The following HPS4 variants were observed in gnomAD, a reference collection of about 807,000 sequenced individuals.
The protein encoded by HPS4 is BLOC-3 complex member HPS4.
A neutral mutation model predicts 70.3 loss-of-function variants in HPS4; 44 were observed. The observed-to-expected ratio is 0.63, with a 90% confidence interval of 0.49 to 0.80. HPS4 has a LOEUF of 0.80. Ranked by LOEUF, HPS4 falls within the 30% of genes least tolerant of loss-of-function variation. HPS4 has a pLI of 0.00. For synonymous variants in HPS4, 377 were observed against 355.9 expected, an observed-to-expected ratio of 1.06 and a Z score of -0.67; for missense variants, 873 against 884.4, an observed-to-expected ratio of 0.99 and a Z score of 0.16.
intron 10 of HPS4, 59 bp downstream of exon 10, chr22:26,465,396 A>G: frequency 1.6e-6 from 2 of 1,247,756 alleles, no homozygotes; most frequent in East Asian, 2.3e-5. Flanking sequence ...TTTTTAACCA[A>G]TCACGCGATG....
At chr22:26,445,457 C>A (rs1203710731) in intron 3 of HPS4, among the ~76,000 whole-genome samples, 1 of 152,132 alleles carries the variant, frequency 6.6e-6, no homozygotes, top group Non-Finnish European at 1.5e-5. Context: ...CAAAATGTCC[C>A]AAAGCAATGG....
At chr22:26,457,232 T>C (rs1440649090) in intron 13 of HPS4, among the ~76,000 whole-genome samples, 13 of 146,624 alleles carry the variant, frequency 8.9e-5, no homozygotes, top group East Asian at 3.9e-4. Flanking sequence ...TTTTTTTTTT[T>C]CTGAGACGCA....
Position 26,452,830 on chromosome 22 carries a change from G to A in HPS4, c.*403C>T. ...CACACCGCCTACCACCACCTGGTGT[G>A]GGGGTTGAACACACACACTCTGGGC... On this transcript the variant is annotated 3_prime_UTR_variant, in exon 14 of 14. Coordinates refer to ENST00000398145, the MANE Select transcript of HPS4 (RefSeq NM_022081.6). 1 of 273,452 alleles carries A rather than the reference G, an allele frequency of 3.7e-6. No homozygotes were observed. The highest frequency in any genetic ancestry group is 7.1e-6 in the Non-Finnish European group (1 of 140,042). 16.9% of individuals were successfully genotyped at this position (273,452 alleles called of 1,614,324 possible).
intron 4 of HPS4, 75 bp downstream of exon 4, chr22:26,476,918 C>T: frequency 6.6e-7 from 1 of 1,524,584 alleles, no homozygotes; most frequent in Non-Finnish European, 9.1e-7. Context: ...ATTCTAAATT[C>T]AAGACTCAGA....
At chr22:26,479,717 A>C in intron 2 of HPS4, 1 of 1,079,462 alleles carries the variant, frequency 9.3e-7, no homozygotes, top group Non-Finnish European at 1.1e-6. Flanking sequence ...TAACAAAATA[A>C]GTTAGGGATG....
Position 26,464,273 on chromosome 22 carries a change from C to T in HPS4, c.1357G>A (p.Ala453Thr). ...LEDHPGHSSQ[A>T]PIPRADPLPR... Reference sequence around the variant, plus strand: ...AGAGGGTCTGCTCTGGGAATGGGGGCTTGGCTGCTATGGCCAGGATGGTCT... The same window carrying T: ...AGAGGGTCTGCTCTGGGAATGGGGGTTTGGCTGCTATGGCCAGGATGGTCT... The change falls in exon 11 of 14, where the codon GCC becomes ACC. Residue 453 changes from alanine to threonine, a missense_variant. Transcript: ENST00000398145. 1 of 1,614,118 alleles carries T rather than the reference C, an allele frequency of 6.2e-7. No homozygotes were observed. The highest frequency in any genetic ancestry group is 2.2e-5 in the East Asian group (1 of 44,868).
rs17401652 is a variant in HPS4, at chr22:26,472,524, C to T, written c.385-106G>A. The T allele has an allele frequency of 0.073, 61,532 of 838,652 alleles. 2,717 individuals are homozygous for T. Among genetic ancestry groups the T allele is most frequent in the Non-Finnish European group, 0.096 (45,714 of 476,654 alleles). The allele number at this position is 838,652 out of a possible 1,614,324, so 52.0% of individuals were successfully genotyped here. A position where few individuals can be genotyped will look rare whatever the true frequency, so the allele number is the denominator to read the frequency against. Reference sequence around the variant, plus strand: ...ATTGTTCCTCACACAGGAAACTGACCGGAAGGGAGGACCTGTTTTAAACCT... The same window carrying T: ...ATTGTTCCTCACACAGGAAACTGACTGGAAGGGAGGACCTGTTTTAAACCT... On this transcript the variant is annotated intron_variant, in intron 5 of 13. Coordinates refer to ENST00000398145, the MANE Select transcript of HPS4 (RefSeq NM_022081.6).
At position 26,451,801 on chromosome 22, in the gene HPS4, A is replaced by C. The variant is rs2085218148; in HGVS notation, c.*1432T>G. ...ATCCTCTTCCATCTAGGCAGATGGG[A>C]TCCAAGAGACAGCAGAGATCCTGGA... On this transcript the variant is annotated 3_prime_UTR_variant, in exon 14 of 14. Coordinates refer to ENST00000398145, the MANE Select transcript of HPS4 (RefSeq NM_022081.6). The C allele has an allele frequency of 6.5e-6, 1 of 152,986 alleles. No individual in the cohort carries two copies. The highest frequency in any genetic ancestry group is 2.1e-4 in the South Asian group (1 of 4,866). The allele number at this position is 152,986 out of a possible 1,614,324, so 9.5% of individuals were successfully genotyped here.
intron 8 of HPS4, chr22:26,467,102 C>T (rs1009864944): frequency 2.0e-5 from 3 of 152,112 alleles, no homozygotes; most frequent in African/African-American, 7.2e-5. Context: ...TATAAAATTT[C>T]ATATTTCTGC....
rs2085515521 is a variant in HPS4 at position 26,453,340 on chromosome 22, C to A, written c.2020G>T (p.Ala674Ser). ...AAGCCGGAGCTCCGTGCTGCAGGTG[C>A]CAGCTGCTGGAAATATGTCTCCTGG... ...PIQETYFQQL[A>S]PAARSSGFPN... is the part of the protein sequence containing the mutation. The change falls in exon 14 of 14, where the codon GCA becomes TCA. Residue 674 changes from alanine to serine, a missense_variant. Physicochemically the swap from Ala to Ser is moderately conservative, Grantham distance 99. Transcript: ENST00000398145. 1 of 1,614,150 alleles carries A rather than the reference C, an allele frequency of 6.2e-7. No homozygotes were observed. The highest frequency in any genetic ancestry group is 8.5e-7 in the Non-Finnish European group (1 of 1,180,028).
At chr22:26,480,055 CCT>C (rs1277300383) in intron 2 of HPS4, among the ~76,000 whole-genome samples, 3 of 152,178 alleles carry the variant, frequency 2.0e-5, no homozygotes, top group Non-Finnish European at 4.4e-5. Flanking sequence ...TTTCCATGAC[CCT>C]CTGTTCTTCC....
chr22:26,483,759 C>CCGTACCTG lies in HPS4; in HGVS notation c.-572_-565dup. 1 of 576,688 alleles carries CCGTACCTG rather than the reference C, an allele frequency of 1.7e-6. No homozygotes were observed. The allele number at this position is 576,688 out of a possible 1,614,324, so 35.7% of individuals were successfully genotyped here. ...CAGCTGGGTACCTGCGACTTCTGCC[C>CCGTACCTG]CGTACCTGCGCGCGCGGCAGAGAGG... On this transcript the variant is annotated 5_prime_UTR_variant, in exon 1 of 14. Transcript: ENST00000398145.
Position 26,481,732 on chromosome 22 carries a change from A to C in HPS4, c.31T>G (p.Ser11Ala). MATSTSTEAK[S>A]ASWWNYFFLY... ...GGCCTTGTTACTCACCACGAGGCTG[A>C]CTTTGCCTCTGTGGAGGTAGAGGTG... The change falls in exon 2 of 14, where the codon TCA (serine) becomes GCA (alanine). Residue 11 changes from serine to alanine, a missense_variant. By Grantham distance (99) the Ser-to-Ala change is moderately conservative (BLOSUM62 1). Coordinates refer to ENST00000398145, the MANE Select transcript of HPS4 (RefSeq NM_022081.6). The C allele has an allele frequency of 6.2e-7, 1 of 1,614,178 alleles. No individual in the cohort carries two copies. Among genetic ancestry groups the C allele is most frequent in the Non-Finnish European group, 8.5e-7 (1 of 1,180,000 alleles).
Position 26,477,084 on chromosome 22 carries a change from C to G in HPS4, c.185G>C (p.Arg62Pro), listed in dbSNP as rs777170572. ...LLCGQIAGVV[R>P]CVSDISDSPP... ...AGAGTCAGAAATGTCAGAAACACAG[C>G]GGACAACTCCAGCAATCTGTCCACA... Residue 62 changes from arginine to proline, a missense_variant, in exon 4 of 14, where the codon CGC (arginine) becomes CCC (proline). Coordinates refer to ENST00000398145, the MANE Select transcript of HPS4 (RefSeq NM_022081.6). 1 of 1,614,072 alleles carries G rather than the reference C, an allele frequency of 6.2e-7. No individual in the cohort carries two copies. The highest frequency in any genetic ancestry group is 1.1e-5 in the South Asian group (1 of 91,078).
intron 12 of HPS4, 122 bp downstream of exon 12, chr22:26,458,323 G>C (rs2086565054): frequency 7.9e-7 from 1 of 1,262,266 alleles, no homozygotes; most frequent in African/African-American, 1.5e-5. Context: ...AGAGAGCCCT[G>C]AACGCAGGTC....
Position 26,470,795 on chromosome 22 carries a change from G to C in HPS4, c.520C>G (p.Leu174Val). 1.2e-6 allele frequency: 2 copies of C among 1,614,236 alleles called. No homozygotes were observed. The highest frequency in any genetic ancestry group is 1.7e-6 in the Non-Finnish European group (2 of 1,180,038). The change falls in exon 7 of 14, where the codon CTG becomes GTG. Residue 174 changes from leucine to valine, a missense_variant. By Grantham distance (32) the Leu-to-Val change is conservative. Coordinates refer to ENST00000398145, the MANE Select transcript of HPS4 (RefSeq NM_022081.6). The stretch of plus-strand genomic sequence containing the variant: ...GTCTGCAGAATGCGGGCTGCCTTCA[G>C]CAACAACAGGGGCTCCACCTGTGCA... Reference protein sequence around the residue: ...DQTKVEPLLLLKAARILQTCQ... With the variant: ...DQTKVEPLLLVKAARILQTCQ...
chr22:26,465,811 T>C (rs529784405), intron 9 of HPS4: 11 of 563,542 alleles, frequency 2.0e-5, no homozygotes, highest in African/African-American at 1.7e-4. Context: ...AAAAGCACTT[T>C]TACAAGAAGA....
rs377227403 is a variant in HPS4, at chr22:26,468,101, T to C, written c.669+450A>G. 2.8e-4 allele frequency: 49 copies of C among 176,402 alleles called. No homozygotes were observed. In the East Asian group the frequency reaches 6.2e-3, roughly 22 times the overall value. 10.9% of individuals were successfully genotyped at this position (176,402 alleles called of 1,614,324 possible). On this transcript the variant is annotated intron_variant, in intron 8 of 13. Transcript: ENST00000398145. ...GTATTTTAAATAGAGATGGGTTTCA[T>C]CATGTTGGCCAGGCTGGTCTTGAAC... is the stretch of plus-strand genomic sequence containing the variant.
At chr22:26,449,538 C>T (rs1351310077), downstream of HPS4, among the ~76,000 whole-genome samples, 1 of 152,004 alleles carries the variant, frequency 6.6e-6, no homozygotes, top group Non-Finnish European at 1.5e-5. Flanking sequence ...ATCACGTTGG[C>T]CAGGCTGGTC....
Sources: gnomAD v4.1 joint callset for allele counts (sites outside exome capture counted in the v4.1 genomes callset) on GRCh38, gnomAD v4.1.1 for gene constraint, MANE v1.5 for transcripts, NCBI Gene and HGNC (gene_info 2026-07-23, HGNC 2026-07-21) for gene names.